The following RIN3 variants were observed in gnomAD, a reference collection of about 807,000 sequenced individuals.
RIN3 encodes RAB5 interacting protein 3.
A neutral mutation model predicts 76.3 loss-of-function variants in RIN3; 54 were observed. That is an observed-to-expected ratio of 0.71 (90% confidence interval 0.57 to 0.89). The LOEUF (loss-of-function observed/expected upper bound fraction) is 0.89. RIN3 is among the 40% of genes least tolerant of loss of function. The probability of loss-of-function intolerance (pLI) is 0.00; values close to 1 mark genes in which losing one functional copy is unlikely to be tolerated. For missense variants in RIN3, 1,256 were observed against 1,322.1 expected (o/e 0.95, Z 0.78); for synonymous variants, 576 against 564.0 (o/e 1.02, Z -0.30).
In RIN3 at chr14:92,514,099, T is replaced by G; in HGVS notation, c.44+123T>G. On this transcript the variant is annotated intron_variant, in intron 1 of 9. Coordinates refer to ENST00000216487, the MANE Select transcript of RIN3 (RefSeq NM_024832.5). This position sits in a 1 kb window ranked among gnomAD's most constrained non-coding sequence, Gnocchi z 7.2. ...CGTGACCTCGGGGTTGTCGGGCTGA[T>G]ACGGGACCCCCACCGTGGCCGAGGC... The G allele has an allele frequency of 1.5e-6, 1 of 670,112 alleles. No homozygotes were observed. The highest frequency in any genetic ancestry group is 2.1e-6 in the Non-Finnish European group (1 of 474,994). The allele number at this position is 670,112 out of a possible 1,614,324, so 41.5% of individuals were successfully genotyped here. A position where few individuals can be genotyped will look rare whatever the true frequency, so the allele number is the denominator to read the frequency against.
chr14:92,679,672 C>G (rs1888596670), intron 8 of RIN3, among the ~76,000 whole-genome samples: 1 of 152,180 alleles, frequency 6.6e-6, no homozygotes, highest in Admixed American at 6.6e-5. Context: ...TACCTGATCA[C>G]CTCAACCTCT....
chr14:92,555,971 T>C lies in RIN3; in HGVS notation c.249+16T>C. On this transcript the variant is annotated intron_variant, in intron 2 of 9. Coordinates refer to ENST00000216487, the MANE Select transcript of RIN3 (RefSeq NM_024832.5). ...GGTGGCTGGGGTGAGTGGGGGCGTC[T>C]CCCACTTGGTAGGCACACACACCTG... The C allele has an allele frequency of 6.2e-7, 1 of 1,603,170 alleles. No individual in the cohort carries two copies. The highest frequency in any genetic ancestry group is 8.5e-7 in the Non-Finnish European group (1 of 1,174,504).
Position 92,688,970 on chromosome 14 carries a change from T to C in RIN3, c.*718T>C, listed in dbSNP as rs1294851425. 6.6e-6 allele frequency: 1 copy of C among 152,200 alleles called. No individual in the cohort carries two copies. The highest frequency in any genetic ancestry group is 1.5e-5 in the Non-Finnish European group (1 of 68,068). The allele number at this position is 152,200 out of a possible 1,614,324, so 9.4% of individuals were successfully genotyped here. On this transcript the variant is annotated 3_prime_UTR_variant, in exon 10 of 10. Coordinates refer to ENST00000216487, the MANE Select transcript of RIN3 (RefSeq NM_024832.5). Reference sequence around the variant, plus strand: ...GCAGGAGCCATCGTGTGGGGAGAATTTAATAAAAGCCCTTTTGAAAATGAC... The same window carrying C: ...GCAGGAGCCATCGTGTGGGGAGAATCTAATAAAAGCCCTTTTGAAAATGAC...
chr14:92,529,921 G>A (rs12590593), intron 1 of RIN3, among the ~76,000 whole-genome samples: 22,935 of 151,998 alleles, frequency 0.15, 2,036 homozygotes, highest in Admixed American at 0.22. Flanking sequence ...TATTTAATTC[G>A]GTGCCCTTCA....
intron 1 of RIN3, among the ~76,000 whole-genome samples, chr14:92,541,228 A>G (rs575259866): frequency 6.0e-4 from 92 of 152,334 alleles, no homozygotes; most frequent in African/African-American, 2.1e-3. Context: ...AACCCTTGTT[A>G]TCTCCATTCA....
intron 5 of RIN3, among the ~76,000 whole-genome samples, chr14:92,645,585 G>A (rs976709844): frequency 6.6e-6 from 1 of 152,230 alleles, no homozygotes; most frequent in African/African-American, 2.4e-5. Flanking sequence ...GCAGATTGGC[G>A]ATTGCCAGGG....
intron 1 of RIN3, chr14:92,515,363 A>G (rs1343895099): frequency 1.5e-6 from 1 of 654,258 alleles, no homozygotes; most frequent in Non-Finnish European, 2.8e-6. Context: ...GTGAGGGGCC[A>G]GGGCGCTGGC....
Position 92,648,427 on chromosome 14 carries a change from G to A in RIN3, c.533-3155G>A, listed in dbSNP as rs545559583. On this transcript the variant is annotated intron_variant, in intron 5 of 9. Transcript: ENST00000216487. This position sits in a 1 kb window ranked among gnomAD's most constrained non-coding sequence, Gnocchi z 4.1. ...ATCCTGTCCCGTGGCAGGCTGCCCG[G>A]CTGGTGGCCCATCCGTTTACGGGGC... Among the ~76,000 whole-genome samples, 2 of 152,340 alleles carry A rather than the reference G, an allele frequency of 1.3e-5. No individual in the cohort carries two copies. The highest frequency in any genetic ancestry group is 3.9e-4 in the East Asian group (2 of 5,182).
At chr14:92,639,918 T>TTG (rs1886931695) in intron 4 of RIN3, among the ~76,000 whole-genome samples, 1 of 143,348 alleles carries the variant, frequency 7.0e-6, no homozygotes, top group Non-Finnish European at 1.5e-5. Flanking sequence ...GACTGTGCGT[T>TTG]CGTCGGGGGC....
At chr14:92,561,182 A>T (rs990569415) in intron 2 of RIN3, among the ~76,000 whole-genome samples, 47 of 142,822 alleles carry the variant, frequency 3.3e-4, no homozygotes, top group African/African-American at 1.2e-3. Context: ...TACCGACACC[A>T]TGGGTGGTCC....
Position 92,552,874 on chromosome 14 carries a change from T to C in RIN3, c.45-2877T>C, listed in dbSNP as rs796947072. Reference sequence around the variant, plus strand: ...TACCGTGAAGGTTTTGGGTTTTTTTTAACTGTTTTGTTCACTGCTCTAACC... The same window carrying C: ...TACCGTGAAGGTTTTGGGTTTTTTTCAACTGTTTTGTTCACTGCTCTAACC... On this transcript the variant is annotated intron_variant, in intron 1 of 9. Transcript: ENST00000216487. Among the ~76,000 whole-genome samples the C allele has an allele frequency of 3.9e-5, 6 of 152,158 alleles. No homozygotes were observed. The South Asian group carries it at 1.0e-3, about 26-fold the overall frequency.
rs149235034 is a variant in RIN3 at position 92,659,387 on chromosome 14, G to A, written c.2253G>A (p.Lys751=). The A allele has an allele frequency of 3.7e-6, 6 of 1,613,572 alleles. No individual in the cohort carries two copies. The highest frequency in any genetic ancestry group is 4.2e-6 in the Non-Finnish European group (5 of 1,179,780). ...KILQKFTSMH[K]AYSPEKKISI... The stretch of plus-strand genomic sequence containing the variant: ...TGCAGAAGTTCACCAGCATGCACAA[G>A]GCCTACTCACCTGAGAAGAAGATCT... Residue 751 remains lysine (K), a synonymous_variant, in exon 7 of 10, where the codon AAG becomes AAA. Coordinates refer to ENST00000216487, the MANE Select transcript of RIN3 (RefSeq NM_024832.5).
Position 92,654,236 on chromosome 14 carries a change from C to T in RIN3, c.2026+1161C>T, listed in dbSNP as rs552695085. On this transcript the variant is annotated intron_variant, in intron 6 of 9. Coordinates refer to ENST00000216487, the MANE Select transcript of RIN3 (RefSeq NM_024832.5). ...GGCTGAGGCAGAAGAATTGCTTGAA[C>T]CTGGGAGGCAGAGGTTGCAGTGAGC... Among the ~76,000 whole-genome samples the T allele has an allele frequency of 6.6e-5, 10 of 151,952 alleles. No individual in the cohort carries two copies. The East Asian group carries it at 1.9e-3, about 29-fold the overall frequency.
At chr14:92,523,585 G>T (rs1041662923) in intron 1 of RIN3, among the ~76,000 whole-genome samples, 1 of 152,256 alleles carries the variant, frequency 6.6e-6, no homozygotes, top group African/African-American at 2.4e-5. Flanking sequence ...AGGCAAGAAG[G>T]AGGAAGAGAG....
intron 1 of RIN3, among the ~76,000 whole-genome samples, chr14:92,549,217 TGGTA>T (rs1226956742): frequency 1.3e-5 from 2 of 152,214 alleles, no homozygotes; most frequent in Non-Finnish European, 2.9e-5. Context: ...TGGGTCAGGT[TGGTA>T]GGTGGGGTAG....
intron 3 of RIN3, among the ~76,000 whole-genome samples, chr14:92,585,063 G>A (rs1013797058): frequency 2.0e-5 from 3 of 152,132 alleles, no homozygotes; most frequent in Admixed American, 2.0e-4. Flanking sequence ...CTACAGTGCG[G>A]TGGCGCAATC....
intron 3 of RIN3, among the ~76,000 whole-genome samples, chr14:92,607,268 G>A (rs1885559160): frequency 6.6e-6 from 1 of 152,248 alleles, no homozygotes; most frequent in African/African-American, 2.4e-5. Flanking sequence ...GGCTGGTGAG[G>A]ATGGGAAGAA....
intron 2 of RIN3, among the ~76,000 whole-genome samples, chr14:92,561,172 T>TATATAC (rs772482223): frequency 4.6e-4 from 67 of 144,772 alleles, no homozygotes; most frequent in Non-Finnish European, 7.9e-4. Context: ...TATATATATA[T>TATATAC]ACCGACACCA....
At chr14:92,566,451 G>T (rs1897918069) in intron 2 of RIN3, among the ~76,000 whole-genome samples, 2 of 152,146 alleles carry the variant, frequency 1.3e-5, no homozygotes, top group South Asian at 4.1e-4. Flanking sequence ...ATGCTTTATT[G>T]ACCACCCGTG....
Sources: gnomAD v4.1 joint callset for allele counts (sites outside exome capture counted in the v4.1 genomes callset) on GRCh38, gnomAD v4.1.1 for gene constraint, Gnocchi (gnomAD v3.1) non-coding constraint, MANE v1.5 for transcripts, NCBI Gene and HGNC (gene_info 2026-07-23, HGNC 2026-07-21) for gene names.